Variants in DAPK2 observed in about 807,000 individuals in gnomAD.
The protein encoded by DAPK2 is death associated protein kinase 2, also known as death-associated protein kinase 2.
DAPK2 carries 35 observed loss-of-function variants against 44.1 expected under a neutral mutation model. The ratio of observed to expected loss-of-function variants is 0.79; its 90% CI spans 0.61 to 1.05. DAPK2 has a LOEUF of 1.05. Ranked by LOEUF, DAPK2 falls within the 50% of genes least tolerant of loss-of-function variation. The pLI, the probability that DAPK2 is intolerant of heterozygous loss-of-function variation, is 0.00. For synonymous variants in DAPK2, 174 were observed against 182.6 expected (o/e 0.95, Z 0.38); for missense variants, 453 against 483.2 (o/e 0.94, Z 0.59).
chr15:63,914,254 G>A (rs1030976396), intron 8 of DAPK2, among the ~76,000 whole-genome samples: 1 of 152,178 alleles, frequency 6.6e-6, no homozygotes. Context: ...AAAGCTGGAG[G>A]GGGAGTGCAT....
intron 3 of DAPK2, among the ~76,000 whole-genome samples, chr15:63,956,626 G>A (rs532738916): frequency 2.3e-4 from 34 of 150,352 alleles, no homozygotes; most frequent in Non-Finnish European, 4.0e-4. Context: ...GCACTCCGTC[G>A]CCCAGGCTGG....
chr15:64,031,520 ACC>A (rs2080016228), intron 1 of DAPK2, among the ~76,000 whole-genome samples: 1 of 152,232 alleles, frequency 6.6e-6, no homozygotes, highest in African/African-American at 2.4e-5. Flanking sequence ...AGCGTCAGCC[ACC>A]ATGCCTGCCC....
intron 8 of DAPK2, among the ~76,000 whole-genome samples, chr15:63,914,003 A>T (rs1303520979): frequency 6.6e-6 from 1 of 152,070 alleles, no homozygotes; most frequent in Non-Finnish European, 1.5e-5. Flanking sequence ...CCAACCCGGG[A>T]CCTACAACAG....
chr15:63,974,844 T>C (rs1008577547), intron 2 of DAPK2, among the ~76,000 whole-genome samples: 3 of 152,218 alleles, frequency 2.0e-5, no homozygotes, highest in African/African-American at 7.2e-5. Context: ...CTATTTGTCA[T>C]GTGATGTTAT....
At position 63,941,009 on chromosome 15, in the gene DAPK2, C is replaced by T. The variant is rs2077293229; in HGVS notation, c.454-1648G>A. On this transcript the variant is annotated intron_variant, in intron 3 of 10. Coordinates refer to ENST00000261891, the Ensembl canonical transcript of DAPK2. ...GTTATATAACTTTGTAAACGGTACACATTAAGTGAATAAATTATATAGTAT... is the reference window on the plus strand; with the variant it reads ...GTTATATAACTTTGTAAACGGTACATATTAAGTGAATAAATTATATAGTAT... Among the ~76,000 whole-genome samples the T allele has an allele frequency of 6.6e-5, 10 of 152,230 alleles. No homozygotes were observed. The South Asian group carries it at 2.1e-3, about 32-fold the overall frequency.
intron 10 of DAPK2, chr15:63,910,892 G>A (rs2078769133): frequency 1.3e-5 from 2 of 152,142 alleles, no homozygotes; most frequent in Admixed American, 6.6e-5. Context: ...AATTGCTAAC[G>A]CTTACTGAGC....
intron 1 of DAPK2, among the ~76,000 whole-genome samples, chr15:63,994,676 G>A (rs929371424): frequency 2.1e-5 from 3 of 143,510 alleles, no homozygotes; most frequent in South Asian, 2.2e-4. Context: ...TGCAACCTCC[G>A]CCTCCCGGGT....
At chr15:63,963,453 G>A (rs1261457419) in intron 3 of DAPK2, among the ~76,000 whole-genome samples, 6 of 152,110 alleles carry the variant, frequency 3.9e-5, no homozygotes, top group South Asian at 2.1e-4. Context: ...GTTCCTATTC[G>A]GCCATCTTGG....
rs534771959 is a variant in DAPK2 at position 63,908,640 on chromosome 15, T to A, written c.1033-40A>T. On this transcript the variant is annotated intron_variant, in intron 10 of 10. Coordinates refer to ENST00000261891, the Ensembl canonical transcript of DAPK2. The surrounding 1 kb of genome is among the most constrained non-coding windows in gnomAD (Gnocchi z 5.7). Reference sequence around the variant, plus strand: ...GAGAAAGAGGTCCAGGGCAGGAGGATCATGAGACGCCAGGAATGGGGCTGT... The same window carrying A: ...GAGAAAGAGGTCCAGGGCAGGAGGAACATGAGACGCCAGGAATGGGGCTGT... 1 of 1,526,350 alleles carries A rather than the reference T, an allele frequency of 6.6e-7. No homozygotes were observed. Among genetic ancestry groups the A allele is most frequent in the African/African-American group, 1.4e-5 (1 of 72,984 alleles). 94.6% of individuals were successfully genotyped at this position (1,526,350 alleles called of 1,614,324 possible). A position where few individuals can be genotyped will look rare whatever the true frequency, so the allele number is the denominator to read the frequency against.
At chr15:64,040,508 G>T (rs2080324228), upstream of DAPK2, among the ~76,000 whole-genome samples, 1 of 152,112 alleles carries the variant, frequency 6.6e-6, no homozygotes, top group Middle Eastern at 3.4e-3. Flanking sequence ...AGCTCCTCAG[G>T]TCTTCAGATC....
intron 6 of DAPK2, 36 bp from the exon 8 acceptor site, chr15:63,926,129 G>A: frequency 6.4e-7 from 1 of 1,569,674 alleles, no homozygotes; most frequent in East Asian, 2.2e-5. Flanking sequence ...ATAACTAAGG[G>A]AAAGTAGGTG....
chr15:63,959,938 C>T, intron 3 of DAPK2, among the ~76,000 whole-genome samples: 1 of 152,200 alleles, frequency 6.6e-6, no homozygotes. Flanking sequence ...GGTACCAGCT[C>T]CTCTTTGTAC....
intron 1 of DAPK2, chr15:64,029,911 G>A (rs1054183222): frequency 3.3e-5 from 5 of 152,316 alleles, no homozygotes; most frequent in Admixed American, 1.3e-4. Context: ...GTACTATACC[G>A]TTTTGCATCC....
chr15:63,909,998 A>C (rs940002762), intron 10 of DAPK2, among the ~76,000 whole-genome samples: 1 of 152,198 alleles, frequency 6.6e-6, no homozygotes, highest in Non-Finnish European at 1.5e-5. Flanking sequence ...CTTTAGCCAA[A>C]TACATCCTAG....
intron 2 of DAPK2, among the ~76,000 whole-genome samples, chr15:63,977,328 C>T (rs1267726158): frequency 2.0e-5 from 3 of 152,144 alleles, no homozygotes; most frequent in Admixed American, 2.0e-4. Flanking sequence ...TTGCCCCCAC[C>T]TTGGGCAGGT....
Position 64,040,155 on chromosome 15 carries a change from C to T in DAPK2, c.92+15G>A. On this transcript the variant is annotated intron_variant, in intron 1 of 10. Coordinates refer to ENST00000261891, the Ensembl canonical transcript of DAPK2. Reference sequence around the variant, plus strand: ...GCTCCCTCGGCATCCCCCCACCTCTCACACAGTCTCCTACCTCCCCAGCTC... The same window carrying T: ...GCTCCCTCGGCATCCCCCCACCTCTTACACAGTCTCCTACCTCCCCAGCTC... The T allele has an allele frequency of 1.9e-6, 3 of 1,608,040 alleles. No individual in the cohort carries two copies. The highest frequency in any genetic ancestry group is 1.7e-6 in the Non-Finnish European group (2 of 1,174,588).
chr15:63,947,559 C>A (rs1369747184), intron 3 of DAPK2, among the ~76,000 whole-genome samples: 1 of 152,180 alleles, frequency 6.6e-6, no homozygotes, highest in Non-Finnish European at 1.5e-5. Context: ...TGCCATTTAT[C>A]AGCAGCCTGA....
At chr15:63,914,732 G>A (rs1050927479) in intron 8 of DAPK2, among the ~76,000 whole-genome samples, 2 of 152,182 alleles carry the variant, frequency 1.3e-5, no homozygotes, top group Non-Finnish European at 2.9e-5. Flanking sequence ...TTGCTGGTCT[G>A]TGAATCCAAA....
chr15:63,991,491 A>T (rs1432754205), intron 1 of DAPK2: 1 of 364,298 alleles, frequency 2.7e-6, no homozygotes, highest in Admixed American at 3.6e-5. Context: ...ATGGCTTTGA[A>T]ATTTGAGGTG....
Sources: gnomAD v4.1 joint callset for allele counts (sites outside exome capture counted in the v4.1 genomes callset) on GRCh38, gnomAD v4.1.1 for gene constraint, Gnocchi (gnomAD v3.1) non-coding constraint, MANE v1.5 for transcripts, NCBI Gene and HGNC (gene_info 2026-07-23, HGNC 2026-07-21) for gene names.